The following ABCB1 variants were observed in gnomAD, a reference collection of about 807,000 sequenced individuals.
The protein encoded by ABCB1 is ATP binding cassette subfamily B member 1, also known as ATP-dependent translocase ABCB1.
ABCB1 carries 69 observed loss-of-function variants against 142.0 expected under a neutral mutation model. That is an observed-to-expected ratio of 0.49 (90% CI 0.40 to 0.59). ABCB1 has a LOEUF of 0.59. Among genes scored for constraint, ABCB1 ranks in the 20% least tolerant of loss-of-function variants. ABCB1 has a pLI of 0.00. For missense variants in ABCB1, 1,326 were observed against 1,554.7 expected (o/e 0.85, Z 2.47); for synonymous variants, 532 against 539.2 (o/e 0.99, Z 0.18).
At chr7:87,700,636 A>C in intron 1 of ABCB1, 3 of 1,289,486 alleles carry the variant, frequency 2.3e-6, no homozygotes, top group Non-Finnish European at 1.1e-6. Flanking sequence ...GAAGCTACTT[A>C]CTATGAATTT....
chr7:87,516,328 G>A (rs2235045), intron 24 of ABCB1, among the ~76,000 whole-genome samples, 181 bp downstream of exon 24: 93 of 152,200 alleles, frequency 6.1e-4, no homozygotes, highest in African/African-American at 2.2e-3. Flanking sequence ...TATAACCTTT[G>A]CTACGTAAAA....
At chr7:87,521,927 A>G in intron 21 of ABCB1, 1 of 779,654 alleles carries the variant, frequency 1.3e-6, no homozygotes, top group South Asian at 1.3e-5. Flanking sequence ...TTTGACGACC[A>G]TGACTCCATG....
At chr7:87,540,728 G>T (rs1816499439) in intron 18 of ABCB1, among the ~76,000 whole-genome samples, 1 of 152,144 alleles carries the variant, frequency 6.6e-6, no homozygotes, top group Non-Finnish European at 1.5e-5. Flanking sequence ...GGGATTACAG[G>T]CATAAGCCAC....
Position 87,544,290 on chromosome 7 carries a change from T to G in ABCB1, c.2065-15A>C. The G allele has an allele frequency of 3.1e-6, 5 of 1,611,968 alleles. No individual in the cohort carries two copies. The highest frequency in any genetic ancestry group is 4.2e-6 in the Non-Finnish European group (5 of 1,179,620). ...ATACTTTCATCCTAGAAAACACAAATTATTACAACAGGCTAGTTAAAAACT... is the reference window on the plus strand; with the variant it reads ...ATACTTTCATCCTAGAAAACACAAAGTATTACAACAGGCTAGTTAAAAACT... On this transcript the variant is annotated splice_polypyrimidine_tract_variant and intron_variant, in intron 16 of 27. Coordinates refer to ENST00000622132, the MANE Select transcript of ABCB1 (RefSeq NM_001348946.2).
chr7:87,539,054 C>T (rs1178034035), intron 19 of ABCB1, among the ~76,000 whole-genome samples: 1 of 152,196 alleles, frequency 6.6e-6, no homozygotes, highest in Admixed American at 6.5e-5. Flanking sequence ...CTGTCTCAAA[C>T]TGGTCCAGTT....
intron 21 of ABCB1, among the ~76,000 whole-genome samples, chr7:87,525,835 G>A (rs1422010910): frequency 6.6e-6 from 1 of 152,062 alleles, no homozygotes. Flanking sequence ...GTCTCTGTCT[G>A]ACTTTTTCCT....
chr7:87,532,397 G>A (rs986455606), intron 20 of ABCB1, among the ~76,000 whole-genome samples: 1 of 152,246 alleles, frequency 6.6e-6, no homozygotes, highest in Non-Finnish European at 1.5e-5. Flanking sequence ...GATACAGGTC[G>A]CTAAGACCTT....
chr7:87,705,049 A>C (rs1324053683), intron 1 of ABCB1, among the ~76,000 whole-genome samples: 1 of 152,238 alleles, frequency 6.6e-6, no homozygotes, highest in African/African-American at 2.4e-5. Context: ...TCACAATTAT[A>C]TCACAATTAT....
At chr7:87,549,629 C>G in intron 13 of ABCB1, 111 bp from the exon 14 acceptor site, 1 of 1,523,402 alleles carries the variant, frequency 6.6e-7, no homozygotes, top group South Asian at 1.1e-5. Flanking sequence ...TAATACAGGT[C>G]CAGTTCTTTA....
chr7:87,564,809 A>G (rs1205055075), intron 7 of ABCB1, among the ~76,000 whole-genome samples: 2 of 152,254 alleles, frequency 1.3e-5, no homozygotes, highest in East Asian at 1.9e-4. Context: ...ATTAATCATT[A>G]AAAGATTAAC....
rs201249149 is a variant in ABCB1 at position 87,539,284 on chromosome 7, C to T, written c.2381G>A (p.Arg794Gln). 5.6e-6 allele frequency: 9 copies of T among 1,614,090 alleles called. No individual in the cohort carries two copies. The highest frequency in any genetic ancestry group is 4.4e-5 in the South Asian group (4 of 91,080). Reference sequence around the variant, plus strand: ...TAGACATACCTGTCTGAGCATGGATCGGAAAACCATGTATCGGAGCCGCTT... The same window carrying T: ...TAGACATACCTGTCTGAGCATGGATTGGAAAACCATGTATCGGAGCCGCTT... ...LTKRLRYMVF[R>Q]SMLRQDVSWF... The change falls in exon 19 of 28, where the codon CGA becomes CAA. Residue 794 changes from arginine (R) to glutamine (Q), a missense_variant. Transcript: ENST00000622132.
At chr7:87,650,536 G>T (rs1300154238) in intron 1 of ABCB1, among the ~76,000 whole-genome samples, 2 of 151,942 alleles carry the variant, frequency 1.3e-5, no homozygotes, top group Non-Finnish European at 2.9e-5. Flanking sequence ...CCTCCCAAAG[G>T]CACCCACCCT....
intron 3 of ABCB1, among the ~76,000 whole-genome samples, chr7:87,593,175 C>T (rs551656991): frequency 4.6e-5 from 7 of 152,296 alleles, no homozygotes; most frequent in African/African-American, 1.4e-4. Context: ...GATCTGCCCA[C>T]CTTAGCCTTC....
At chr7:87,685,518 T>A (rs539507223) in intron 1 of ABCB1, among the ~76,000 whole-genome samples, 45 of 151,156 alleles carry the variant, frequency 3.0e-4, no homozygotes, top group African/African-American at 9.4e-4. Flanking sequence ...GGAAAAAAAA[T>A]TTCCACACAC....
chr7:87,651,751 A>G (rs866688117), intron 1 of ABCB1, among the ~76,000 whole-genome samples: 1 of 152,214 alleles, frequency 6.6e-6, no homozygotes, highest in South Asian at 2.1e-4. Flanking sequence ...GTACTTTTTG[A>G]TGCTGAAAGC....
chr7:87,660,611 T>C (rs551116488), intron 1 of ABCB1, among the ~76,000 whole-genome samples: 6 of 152,116 alleles, frequency 3.9e-5, no homozygotes, highest in African/African-American at 1.4e-4. Flanking sequence ...AATTTATGGC[T>C]TTGCTGATCA....
chr7:87,712,400 CAAAG>C (rs535476495), intron 1 of ABCB1, among the ~76,000 whole-genome samples: 1 of 151,888 alleles, frequency 6.6e-6, no homozygotes, highest in African/African-American at 2.4e-5. Flanking sequence ...AAAATGAAAA[CAAAG>C]AATCGTATCA....
intron 1 of ABCB1, among the ~76,000 whole-genome samples, chr7:87,652,458 A>G (rs1823669830): frequency 6.6e-6 from 1 of 152,036 alleles, no homozygotes; most frequent in Non-Finnish European, 1.5e-5. Flanking sequence ...TTATTTCTGA[A>G]TAATACTATA....
At chr7:87,507,031 T>C (rs938558719) in intron 26 of ABCB1, among the ~76,000 whole-genome samples, 1 of 152,148 alleles carries the variant, frequency 6.6e-6, no homozygotes, top group Non-Finnish European at 1.5e-5. Flanking sequence ...CTGATCCTGT[T>C]GAGGCAGATA....
Sources: gnomAD v4.1 joint callset for allele counts (sites outside exome capture counted in the v4.1 genomes callset) on GRCh38, gnomAD v4.1.1 for gene constraint, MANE v1.5 for transcripts, NCBI Gene and HGNC (gene_info 2026-07-23, HGNC 2026-07-21) for gene names.